CACNA1A: variants seen among roughly 807,000 people sequenced by gnomAD.
CACNA1A encodes the protein calcium voltage-gated channel subunit alpha1 A.
Under a neutral mutation model 262.4 loss-of-function variants are expected in CACNA1A, and 57 were observed. That is an observed-to-expected ratio of 0.22 (90% CI 0.18 to 0.27). The LOEUF is 0.27. CACNA1A is among the 10% of genes least tolerant of loss of function. CACNA1A has a pLI of 1.00. For missense variants in CACNA1A, 2,526 were observed against 3,562.8 expected, an observed-to-expected ratio of 0.71 and a Z score of 7.41; for synonymous variants, 1,431 against 1,419.3, an observed-to-expected ratio of 1.01 and a Z score of -0.18.
chr19:13,357,413 C>A (rs558564385), intron 6 of CACNA1A, among the ~76,000 whole-genome samples: 20 of 152,332 alleles, frequency 1.3e-4, no homozygotes, highest in African/African-American at 4.6e-4. Flanking sequence ...GCTCCCGGGT[C>A]AGGCCAACCG....
At position 13,278,081 on chromosome 19, in the gene CACNA1A, A is replaced by G. The variant is rs995128264; in HGVS notation, c.3823-953T>C. 3.3e-3 allele frequency: 411 copies of G among 123,662 alleles called. 1 individual carries two copies. The highest frequency in any genetic ancestry group is 0.014 in the African/African-American group (372 of 25,964). 7.7% of individuals were successfully genotyped at this position (123,662 alleles called of 1,614,324 possible). A position where few individuals can be genotyped will look rare whatever the true frequency, so the allele number is the denominator to read the frequency against. ...CCAGCCTGGGAGACAGAGACTGTCT[A>G]AAAAAAAAAAAAAAAAAAAAATCAG... On this transcript the variant is annotated intron_variant, in intron 22 of 46. Coordinates refer to ENST00000360228, the MANE Select transcript of CACNA1A (RefSeq NM_001127222.2).
At chr19:13,234,068 GGC>G (rs2055771835) in intron 34 of CACNA1A, among the ~76,000 whole-genome samples, 1 of 128,074 alleles carries the variant, frequency 7.8e-6, no homozygotes, top group Non-Finnish European at 1.7e-5. Flanking sequence ...AAAAAAAAAG[GGC>G]TGGGCACGGT....
chr19:13,333,192 A>G (rs1051851597), intron 8 of CACNA1A, among the ~76,000 whole-genome samples: 6 of 151,886 alleles, frequency 4.0e-5, no homozygotes, highest in African/African-American at 1.5e-4. Flanking sequence ...TCTGATCTCC[A>G]TCACCTTCCT....
chr19:13,449,440 G>A (rs1216096001), intron 3 of CACNA1A, among the ~76,000 whole-genome samples: 1 of 152,124 alleles, frequency 6.6e-6, no homozygotes, highest in African/African-American at 2.4e-5. Context: ...TGGGACCACA[G>A]GAGCACACCA....
chr19:13,318,431 G>A (rs1238952027), intron 10 of CACNA1A, among the ~76,000 whole-genome samples: 1 of 152,148 alleles, frequency 6.6e-6, no homozygotes, highest in East Asian at 1.9e-4. Flanking sequence ...TGGACCACAA[G>A]GAGGACTTTG....
chr19:13,210,068 G>A (rs1372575957), intron 44 of CACNA1A, among the ~76,000 whole-genome samples: 2 of 152,086 alleles, frequency 1.3e-5, no homozygotes, highest in Non-Finnish European at 2.9e-5. Context: ...CCAAGCTAGG[G>A]AGCTCTGGGT....
At chr19:13,274,403 G>C (rs2144826340) in intron 24 of CACNA1A, 1 of 152,194 alleles carries the variant, frequency 6.6e-6, no homozygotes, top group South Asian at 2.1e-4. Flanking sequence ...ACCATTCAAG[G>C]GCCCCTCCAG....
intron 3 of CACNA1A, among the ~76,000 whole-genome samples, chr19:13,435,888 A>G (rs149682539): frequency 0.044 from 6,692 of 152,174 alleles, 276 homozygotes; most frequent in Admixed American, 0.093. Context: ...GCAGTGGCGC[A>G]GACTCAGCTC....
At chr19:13,471,882 T>C (rs1978285579) in intron 1 of CACNA1A, among the ~76,000 whole-genome samples, 1 of 152,222 alleles carries the variant, frequency 6.6e-6, no homozygotes, top group African/African-American at 2.4e-5. Context: ...GTGGAGGTTG[T>C]ACAATATTGT....
rs1364871253 is a variant in CACNA1A, at chr19:13,214,099, G to A, written c.5940+134C>T. The A allele has an allele frequency of 8.8e-6, 6 of 682,846 alleles. No homozygotes were observed. The highest frequency in any genetic ancestry group is 4.5e-5 in the Admixed American group (2 of 44,174). The allele number at this position is 682,846 out of a possible 1,614,324, so 42.3% of individuals were successfully genotyped here. A position where few individuals can be genotyped will look rare whatever the true frequency, so the allele number is the denominator to read the frequency against. On this transcript the variant is annotated intron_variant, in intron 40 of 46. Coordinates refer to ENST00000360228, the MANE Select transcript of CACNA1A (RefSeq NM_001127222.2). The surrounding 1 kb of genome is among the most constrained non-coding windows in gnomAD (Gnocchi z 4.1). ...CAAAGCACTGAGATTGCAGGTGTGA[G>A]CTGCTGTGCACAGCCCCTACTTTTC...
chr19:13,499,515 A>AT (rs1238474339), intron 1 of CACNA1A, among the ~76,000 whole-genome samples: 1 of 151,874 alleles, frequency 6.6e-6, no homozygotes, highest in Non-Finnish European at 1.5e-5. Flanking sequence ...TTCCAAAAAA[A>AT]GAACACTGGA....
intron 15 of CACNA1A, among the ~76,000 whole-genome samples, chr19:13,304,881 T>C: frequency 6.6e-6 from 1 of 152,216 alleles, no homozygotes; most frequent in Non-Finnish European, 1.5e-5. Context: ...TGTGGTATTT[T>C]GTTATGGCTG....
chr19:13,411,713 T>C (rs1334969717), intron 3 of CACNA1A, among the ~76,000 whole-genome samples: 1 of 151,370 alleles, frequency 6.6e-6, no homozygotes, highest in Non-Finnish European at 1.5e-5. Flanking sequence ...TCTCTCTCTC[T>C]CCCCATTCTC....
intron 1 of CACNA1A, among the ~76,000 whole-genome samples, chr19:13,484,749 C>G (rs763651892): frequency 6.6e-6 from 1 of 152,228 alleles, no homozygotes; most frequent in Non-Finnish European, 1.5e-5. Context: ...TCCACAGGAC[C>G]TTTGCACATG....
At chr19:13,281,082 T>C (rs1295735552) in intron 22 of CACNA1A, among the ~76,000 whole-genome samples, 1 of 152,122 alleles carries the variant, frequency 6.6e-6, no homozygotes, top group Admixed American at 6.6e-5. Context: ...TTGGCCAGTG[T>C]TGGCCAATTA....
At chr19:13,475,889 T>C (rs189851633) in intron 1 of CACNA1A, among the ~76,000 whole-genome samples, 2 of 152,126 alleles carry the variant, frequency 1.3e-5, no homozygotes, top group East Asian at 1.9e-4. Context: ...CCAAAACACA[T>C]TGTGAAAAGT....
At chr19:13,436,671 G>A (rs1248948855) in intron 3 of CACNA1A, among the ~76,000 whole-genome samples, 2 of 152,198 alleles carry the variant, frequency 1.3e-5, no homozygotes, top group East Asian at 3.8e-4. Context: ...CTGTGGTTCT[G>A]TCTTTACCCC....
intron 6 of CACNA1A, among the ~76,000 whole-genome samples, chr19:13,346,647 TATATATATATATATA>T (rs1568557442): frequency 3.2e-4 from 2 of 6,284 alleles, no homozygotes; most frequent in Non-Finnish European, 6.1e-4. Context: ...TATATATATA[TATATATATATATATA>T]TATATTTTTT....
chr19:13,500,702 AATGAAATGT>A (rs1982277581), intron 1 of CACNA1A, among the ~76,000 whole-genome samples: 2 of 152,200 alleles, frequency 1.3e-5, no homozygotes, highest in Admixed American at 6.5e-5. Flanking sequence ...ACCCAAGAGA[AATGAAATGT>A]ATGAAATGAA....
Sources: allele counts gnomAD v4.1 joint callset (sites outside exome capture counted in the v4.1 genomes callset), GRCh38; gene constraint gnomAD v4.1.1; non-coding constraint Gnocchi (gnomAD v3.1); transcripts MANE v1.5; gene names NCBI Gene and HGNC (gene_info 2026-07-23, HGNC 2026-07-21).